The following DTNB variants were observed in gnomAD, a reference collection of about 807,000 sequenced individuals.
DTNB encodes dystrobrevin beta.
In DTNB, 63 loss-of-function variants were observed where a neutral mutation model predicts 90.7. The observed-to-expected ratio is 0.69, with a 90% confidence interval of 0.57 to 0.86. The LOEUF (loss-of-function observed/expected upper bound fraction) is 0.86, where lower values mean the gene tolerates loss of function less well. Among genes scored for constraint, DTNB ranks in the 40% least tolerant of loss-of-function variants. The probability of loss-of-function intolerance (pLI) is 0.00; values close to 1 mark genes in which losing one functional copy is unlikely to be tolerated. For missense variants in DTNB, 744 were observed against 807.1 expected (o/e 0.92, Z 0.95); for synonymous variants, 277 against 286.7 (o/e 0.97, Z 0.34).
intron 16 of DTNB, among the ~76,000 whole-genome samples, chr2:25,396,649 T>C (rs2042441940): frequency 7.1e-6 from 1 of 140,078 alleles, no homozygotes; most frequent in Non-Finnish European, 1.5e-5. Flanking sequence ...ACCTCAGAAA[T>C]CACTAAAGAA....
intron 14 of DTNB, among the ~76,000 whole-genome samples, chr2:25,430,542 G>T (rs1337193707): frequency 6.6e-6 from 1 of 151,914 alleles, no homozygotes; most frequent in African/African-American, 2.4e-5. Flanking sequence ...GGGTGGAGAG[G>T]GAAGTCCTCT....
At chr2:25,604,280 C>T (rs940481939) in intron 5 of DTNB, among the ~76,000 whole-genome samples, 3 of 152,146 alleles carry the variant, frequency 2.0e-5, no homozygotes, top group Admixed American at 2.0e-4. Flanking sequence ...CCAAGCTTCA[C>T]AATCAGCCCT....
chr2:25,410,873 C>T (rs942981603), intron 16 of DTNB, among the ~76,000 whole-genome samples: 4 of 151,774 alleles, frequency 2.6e-5, no homozygotes, highest in African/African-American at 9.7e-5. Flanking sequence ...CCTGAGAACA[C>T]ATGCCCTGCT....
At chr2:25,492,747 G>T (rs1293638246) in intron 9 of DTNB, among the ~76,000 whole-genome samples, 2 of 152,148 alleles carry the variant, frequency 1.3e-5, no homozygotes, top group Non-Finnish European at 2.9e-5. Flanking sequence ...TACTCAGGAG[G>T]CTGCTCAGGG....
intron 6 of DTNB, among the ~76,000 whole-genome samples, chr2:25,592,116 A>G (rs1364452126): frequency 1.3e-5 from 2 of 151,630 alleles, no homozygotes; most frequent in Admixed American, 6.6e-5. Flanking sequence ...AGTTCTTAAC[A>G]TATGACTAAT....
At chr2:25,577,154 G>T in intron 7 of DTNB, 150 bp from the exon 8 acceptor site, 1 of 1,000,474 alleles carries the variant, frequency 1.0e-6, no homozygotes, top group Non-Finnish European at 1.4e-6. Context: ...TAAAAGTAGA[G>T]CCGGATGCGG....
At chr2:25,538,058 C>A (rs1425036262) in intron 8 of DTNB, among the ~76,000 whole-genome samples, 2 of 152,098 alleles carry the variant, frequency 1.3e-5, no homozygotes, top group Non-Finnish European at 2.9e-5. Context: ...CATTTCCTAT[C>A]CTCTCTTAAA....
intron 13 of DTNB, 78 bp downstream of exon 13, chr2:25,433,832 T>C (rs1278641936): frequency 6.5e-7 from 1 of 1,544,214 alleles, no homozygotes; most frequent in Non-Finnish European, 8.9e-7. Flanking sequence ...AGCCACCTAG[T>C]ATCCAAGGAA....
At chr2:25,477,991 T>C (rs2064071223) in intron 10 of DTNB, among the ~76,000 whole-genome samples, 1 of 147,820 alleles carries the variant, frequency 6.8e-6, no homozygotes, top group Non-Finnish European at 1.5e-5. Context: ...TCTCTTCTTT[T>C]TCTTTGTTCT....
At chr2:25,542,000 G>C (rs1177123197) in intron 8 of DTNB, among the ~76,000 whole-genome samples, 1 of 152,198 alleles carries the variant, frequency 6.6e-6, no homozygotes, top group African/African-American at 2.4e-5. Flanking sequence ...GTAAATGTAA[G>C]AGATGCTATC....
At chr2:25,421,763 G>A (rs1262923956) in intron 15 of DTNB, among the ~76,000 whole-genome samples, 1 of 152,190 alleles carries the variant, frequency 6.6e-6, no homozygotes, top group Non-Finnish European at 1.5e-5. Context: ...GTATTAAAGA[G>A]AACACTGCTG....
intron 16 of DTNB, among the ~76,000 whole-genome samples, chr2:25,413,167 T>C (rs2047009368): frequency 6.6e-6 from 1 of 152,208 alleles, no homozygotes; most frequent in Non-Finnish European, 1.5e-5. Flanking sequence ...TTAATAATAA[T>C]ACTAATCAGC....
intron 8 of DTNB, among the ~76,000 whole-genome samples, chr2:25,547,417 C>T (rs1572400271): frequency 6.6e-6 from 1 of 151,332 alleles, no homozygotes; most frequent in East Asian, 1.9e-4. Context: ...CTCCGCCTCC[C>T]GATTCAAGGA....
At chr2:25,633,767 G>A (rs922756564) in intron 3 of DTNB, among the ~76,000 whole-genome samples, 2 of 151,300 alleles carry the variant, frequency 1.3e-5, no homozygotes, top group East Asian at 1.9e-4. Context: ...AGGAAGTGAG[G>A]AGCGTCTCTG....
At chr2:25,512,541 C>T (rs1183533115) in intron 9 of DTNB, among the ~76,000 whole-genome samples, 2 of 152,108 alleles carry the variant, frequency 1.3e-5, no homozygotes, top group African/African-American at 4.8e-5. Context: ...AATACATACT[C>T]AAGAAATCCT....
intron 10 of DTNB, among the ~76,000 whole-genome samples, chr2:25,468,414 C>T (rs2062174575): frequency 6.6e-6 from 1 of 152,132 alleles, no homozygotes; most frequent in Non-Finnish European, 1.5e-5. Flanking sequence ...CTGAACTGTC[C>T]ATGTTGGAAC....
At chr2:25,403,065 C>A (rs764257616) in intron 16 of DTNB, among the ~76,000 whole-genome samples, 9 of 152,200 alleles carry the variant, frequency 5.9e-5, no homozygotes, top group Non-Finnish European at 1.2e-4. Flanking sequence ...AGAATTACCT[C>A]CTTTCTGTTT....
At chr2:25,408,783 G>A (rs148985176) in intron 16 of DTNB, among the ~76,000 whole-genome samples, 97 of 152,192 alleles carry the variant, frequency 6.4e-4, no homozygotes, top group Admixed American at 1.8e-3. Flanking sequence ...CATGAAGGAC[G>A]CTCCAAACCT....
chr2:25,516,005 C>G (rs1242046445), intron 9 of DTNB, among the ~76,000 whole-genome samples: 2 of 152,024 alleles, frequency 1.3e-5, no homozygotes, highest in Non-Finnish European at 2.9e-5. Context: ...TTTAAGTAGG[C>G]AAAATATCTA....
Sources: gnomAD v4.1 joint callset for allele counts (sites outside exome capture counted in the v4.1 genomes callset) on GRCh38, gnomAD v4.1.1 for gene constraint, MANE v1.5 for transcripts, NCBI Gene and HGNC (gene_info 2026-07-23, HGNC 2026-07-21) for gene names.